ACE: variants seen among roughly 807,000 people sequenced by gnomAD.
The protein encoded by ACE is angiotensin-converting enzyme.
A neutral mutation model predicts 162.3 loss-of-function variants in ACE; 122 were observed. The ratio of observed to expected loss-of-function variants is 0.75; its 90% CI spans 0.65 to 0.87. The LOEUF (loss-of-function observed/expected upper bound fraction) is 0.87. ACE is among the 40% of genes least tolerant of loss of function. The pLI is 0.00. For synonymous variants in ACE, 796 were observed against 720.6 expected, an observed-to-expected ratio of 1.10 and a Z score of -1.68; for missense variants, 1,799 against 1,735.1, an observed-to-expected ratio of 1.04 and a Z score of -0.65.
chr17:63,486,936 G>C, intron 14 of ACE, 50 bp from the exon 15 acceptor site: 1 of 1,561,410 alleles, frequency 6.4e-7, no homozygotes, highest in African/African-American at 1.4e-5. Context: ...AGGCCCCAGA[G>C]AGACCAAGTG....
In ACE at chr17:63,477,317, A is replaced by T. The variant is rs375602836; in HGVS notation, c.223A>T (p.Ile75Phe). 2 of 1,369,082 alleles carry T rather than the reference A, an allele frequency of 1.5e-6. No individual in the cohort carries two copies. Among genetic ancestry groups the T allele is most frequent in the Non-Finnish European group, 1.9e-6 (2 of 1,048,418 alleles). 84.8% of individuals were successfully genotyped at this position (1,369,082 alleles called of 1,614,324 possible). The change falls in exon 1 of 25, where the codon ATC (isoleucine) becomes TTC (phenylalanine). Residue 75 changes from isoleucine (I) to phenylalanine (F), a missense_variant. By Grantham distance (21) the Ile-to-Phe change is conservative (BLOSUM62 0). Transcript: ENST00000290866. The part of the protein sequence containing the change: ...VAASWAHDTN[I>F]TAENARRQEE... ...CGCCAGCTGGGCGCACGACACCAAC[A>T]TCACCGCGGAGAATGCAAGGCGCCA...
intron 15 of ACE, 56 bp from the exon 16 acceptor site, chr17:63,488,592 C>G: frequency 6.3e-7 from 1 of 1,578,928 alleles, no homozygotes; most frequent in Non-Finnish European, 8.6e-7. Context: ...CTGAGCTCCC[C>G]TTACAAGCAG....
chr17:63,480,920 C>A lies in ACE; in HGVS notation c.848-171C>A, dbSNP rs12720741. Among the ~76,000 whole-genome samples the A allele has an allele frequency of 8.7e-3, 1,319 of 152,282 alleles. 24 individuals carry two copies. Among genetic ancestry groups the A allele is most frequent in the African/African-American group, 0.031 (1,270 of 41,564 alleles). On this transcript the variant is annotated intron_variant, in intron 5 of 24. Coordinates refer to ENST00000290866, the MANE Select transcript of ACE (RefSeq NM_000789.4). ...TTGCAGCCCCAGGACATGTGGCCCT[C>A]GGAGGAGTGTGGGTGGGACTGATGT...
At chr17:63,489,280 G>C in intron 17 of ACE, 148 bp downstream of exon 17, 1 of 993,530 alleles carries the variant, frequency 1.0e-6, no homozygotes, top group Non-Finnish European at 1.5e-6. Flanking sequence ...CTGGAGGGGG[G>C]TGGGCGCTGG....
At chr17:63,492,225 C>T (rs1445473987) in intron 19 of ACE, among the ~76,000 whole-genome samples, 4 of 152,240 alleles carry the variant, frequency 2.6e-5, no homozygotes, top group African/African-American at 9.6e-5. Context: ...GCATCCCCCA[C>T]AGCAACTACT....
At chr17:63,478,873 A>G in intron 2 of ACE, 134 bp from the exon 3 acceptor site, 1 of 740,222 alleles carries the variant, frequency 1.4e-6, no homozygotes, top group South Asian at 1.5e-5. Context: ...CTTAGTGATC[A>G]GAAGTGCCCC....
At chr17:63,493,351 G>C in intron 19 of ACE, 85 bp from the exon 20 acceptor site, 1 of 1,331,870 alleles carries the variant, frequency 7.5e-7, no homozygotes, top group South Asian at 1.2e-5. Flanking sequence ...TCTGCCCTGG[G>C]TATAGCAAGG....
At chr17:63,478,792 C>A in intron 2 of ACE, 2 of 621,110 alleles carry the variant, frequency 3.2e-6, no homozygotes, top group South Asian at 3.5e-5. Flanking sequence ...TTTCAGGACT[C>A]CTGTCCCCCA....
intron 8 of ACE, 128 bp from the exon 9 acceptor site, chr17:63,482,901 C>T (rs1262351719): frequency 1.7e-5 from 20 of 1,179,014 alleles, no homozygotes; most frequent in Non-Finnish European, 2.3e-5. Flanking sequence ...CCCAGGGTCT[C>T]GAGGGCCAGC....
chr17:63,481,234 G>GGGGGCCGGGGGGGGGC, intron 6 of ACE, 46 bp downstream of exon 6: 3 of 624,014 alleles, frequency 4.8e-6, no homozygotes, highest in Non-Finnish European at 9.0e-6. Flanking sequence ...CGGGGGTGGG[G>GGGGGCCGGGGGGGGGC]CGCAAAAAAA....
intron 24 of ACE, 51 bp from the exon 25 acceptor site, chr17:63,497,086 T>G: frequency 6.4e-7 from 1 of 1,571,980 alleles, no homozygotes; most frequent in Non-Finnish European, 8.6e-7. Flanking sequence ...CCCGCACCCT[T>G]GCCCTGCCCT....
chr17:63,497,451 C>G lies in ACE; in HGVS notation c.*85C>G. On this transcript the variant is annotated 3_prime_UTR_variant, in exon 25 of 25. Transcript: ENST00000290866. ...ACTGGTGGGCAGCTGAGGACACACC[C>G]CACACCCCAGCCCACCCTGCTCCTC... The G allele has an allele frequency of 2.4e-6, 3 of 1,258,598 alleles. No homozygotes were observed. Among genetic ancestry groups the G allele is most frequent in the South Asian group, 2.6e-5 (2 of 78,190 alleles). The allele number at this position is 1,258,598 out of a possible 1,614,324, so 78.0% of individuals were successfully genotyped here.
intron 3 of ACE, 108 bp from the exon 4 acceptor site, chr17:63,479,661 G>A: frequency 6.8e-7 from 1 of 1,478,862 alleles, no homozygotes; most frequent in Non-Finnish European, 9.3e-7. Flanking sequence ...GCACCGTGAT[G>A]TTCAGGAAGC....
chr17:63,496,487 C>G lies in ACE; in HGVS notation c.3474C>G (p.Tyr1158Ter), dbSNP rs1381445771. Residue 1158 changes from tyrosine (Y) to a stop codon, truncating the protein, a stop_gained, in exon 23 of 25, where the codon TAC becomes TAG. Transcript: ENST00000290866. LOFTEE classifies it high-confidence loss of function. ...GCCCCCTGCACAAGTGTGACATCTA[C>G]CAGTCCAAGGAGGCCGGGCAGCGCC... is the stretch of plus-strand genomic sequence containing the variant. ...HTGPLHKCDI[Y>*]QSKEAGQRLA... 7 of 1,614,090 alleles carry G rather than the reference C, an allele frequency of 4.3e-6. No individual in the cohort carries two copies. Among genetic ancestry groups the G allele is most frequent in the African/African-American group, 1.3e-5 (1 of 74,962 alleles).
Position 63,484,980 on chromosome 17 carries a change from C to T in ACE, c.1922-256C>T. 1 of 1,608,836 alleles carries T rather than the reference C, an allele frequency of 6.2e-7. No individual in the cohort carries two copies. The highest frequency in any genetic ancestry group is 8.5e-7 in the Non-Finnish European group (1 of 1,177,690). On this transcript the variant is annotated intron_variant, in intron 12 of 24. Coordinates refer to ENST00000290866, the MANE Select transcript of ACE (RefSeq NM_000789.4). The surrounding 1 kb of genome is among the most constrained non-coding windows in gnomAD (Gnocchi z 4.0). Reference sequence around the variant, plus strand: ...GAGGCATCCCAACAGGTGACAGTCACCCATGGGACAAGCAGCCAGGCAACA... The same window carrying T: ...GAGGCATCCCAACAGGTGACAGTCATCCATGGGACAAGCAGCCAGGCAACA...
At chr17:63,487,199 CCTTT>C in intron 15 of ACE, 126 bp downstream of exon 15, 1 of 806,812 alleles carries the variant, frequency 1.2e-6, no homozygotes, top group South Asian at 1.4e-5. Context: ...CAGGAAATGC[CCTTT>C]CTTGTTTTCC....
Position 63,484,518 on chromosome 17 carries a change from C to T in ACE, c.1898C>T (p.Pro633Leu). The change falls in exon 12 of 25, where the codon CCT becomes CTT. Residue 633 changes from proline (P) to leucine (L), a missense_variant. Transcript: ENST00000290866. The surrounding 1 kb of genome is among the most constrained non-coding windows in gnomAD (Gnocchi z 4.0). ...GAGTACCAGTGGCACCCGCCGTTGC[C>T]TGACAACTACCCGGAGGGCATAGGT... is the stretch of plus-strand genomic sequence containing the variant. Reference protein sequence around the residue: ...WPEYQWHPPLPDNYPEGIDLV... With the variant: ...WPEYQWHPPLLDNYPEGIDLV... The T allele has an allele frequency of 6.2e-7, 1 of 1,611,954 alleles. No individual in the cohort carries two copies.
intron 6 of ACE, 36 bp downstream of exon 6, chr17:63,481,224 C>T (rs748946348): frequency 5.4e-5 from 42 of 784,706 alleles, no homozygotes; most frequent in South Asian, 1.2e-4. Flanking sequence ...TGGTGGGGGT[C>T]GGGGGTGGGG....
chr17:63,483,660 G>T (rs1389760416), intron 10 of ACE, 102 bp downstream of exon 10: 2 of 1,369,804 alleles, frequency 1.5e-6, no homozygotes, highest in African/African-American at 3.0e-5. Flanking sequence ...TTGTCCCCAT[G>T]CTCCTCCAGA....
Sources: gnomAD v4.1 joint callset for allele counts (sites outside exome capture counted in the v4.1 genomes callset) on GRCh38, gnomAD v4.1.1 for gene constraint, Gnocchi (gnomAD v3.1) non-coding constraint, MANE v1.5 for transcripts, NCBI Gene and HGNC (gene_info 2026-07-23, HGNC 2026-07-21) for gene names.